Variants in TGFBR3 observed in about 807,000 individuals in gnomAD.
TGFBR3 encodes transforming growth factor beta receptor 3.
In TGFBR3, 46 loss-of-function variants were observed where a neutral mutation model predicts 87.9. That is an observed-to-expected ratio of 0.52 (90% confidence interval 0.41 to 0.67). The LOEUF (loss-of-function observed/expected upper bound fraction) is 0.67. Among genes scored for constraint, TGFBR3 ranks in the 30% least tolerant of loss-of-function variants. The pLI is 0.00. For synonymous variants in TGFBR3, 381 were observed against 391.6 expected, an observed-to-expected ratio of 0.97 and a Z score of 0.32; for missense variants, 866 against 1,041.9, an observed-to-expected ratio of 0.83 and a Z score of 2.32.
intron 4 of TGFBR3, among the ~76,000 whole-genome samples, chr1:91,747,692 T>C (rs1257098556): frequency 6.6e-6 from 1 of 152,216 alleles, no homozygotes; most frequent in Non-Finnish European, 1.5e-5. Context: ...TGAGGTATTT[T>C]GTAGACGCAA....
intron 2 of TGFBR3, among the ~76,000 whole-genome samples, chr1:91,813,805 T>C (rs1302223076): frequency 6.6e-6 from 1 of 152,076 alleles, no homozygotes; most frequent in Non-Finnish European, 1.5e-5. Flanking sequence ...TGGAAGACAG[T>C]TTTTCCACAG....
chr1:91,904,829 G>T (rs779421800), intron 1 of TGFBR3, among the ~76,000 whole-genome samples: 1 of 152,074 alleles, frequency 6.6e-6, no homozygotes, highest in Non-Finnish European at 1.5e-5. Context: ...GCCTCCCAAA[G>T]TGCTGGGACT....
In TGFBR3 at chr1:91,810,232, T is replaced by C. The variant is rs567092221; in HGVS notation, c.62-12761A>G. Among the ~76,000 whole-genome samples the C allele has an allele frequency of 5.3e-5, 8 of 152,232 alleles. No homozygotes were observed. In the East Asian group the frequency reaches 7.7e-4, roughly 15 times the overall value. ...TGCCACCACACCAGCTCATGTCTTA[T>C]ATTTTTTGTAGAGACGGGGTTTTGT... On this transcript the variant is annotated intron_variant, in intron 2 of 16. Coordinates refer to ENST00000212355, the MANE Select transcript of TGFBR3 (RefSeq NM_003243.5).
At chr1:91,849,379 A>C (rs1207763106) in intron 2 of TGFBR3, among the ~76,000 whole-genome samples, 1 of 151,776 alleles carries the variant, frequency 6.6e-6, no homozygotes, top group Admixed American at 6.6e-5. Flanking sequence ...CACCTGGCCC[A>C]CCTGCTATTG....
At chr1:91,735,649 T>C (rs1672943406) in intron 4 of TGFBR3, among the ~76,000 whole-genome samples, 1 of 152,232 alleles carries the variant, frequency 6.6e-6, no homozygotes, top group South Asian at 2.1e-4. Context: ...CAGGATGACG[T>C]ATGCAAGTAC....
intron 3 of TGFBR3, among the ~76,000 whole-genome samples, chr1:91,780,884 T>TACACACACACACACACACACACAC (rs56862200): frequency 7.5e-6 from 1 of 132,580 alleles, no homozygotes; most frequent in African/African-American, 2.9e-5. Context: ...ACTAGAGAAC[T>TACACACACACACACACACACACAC]ACACACACAC....
chr1:91,795,256 A>C (rs941457237), intron 3 of TGFBR3, among the ~76,000 whole-genome samples: 1 of 152,242 alleles, frequency 6.6e-6, no homozygotes, highest in African/African-American at 2.4e-5. Flanking sequence ...AAACATCTTC[A>C]AATCACTGGC....
At chr1:91,706,349 G>A (rs912959395) in intron 14 of TGFBR3, among the ~76,000 whole-genome samples, 7 of 152,118 alleles carry the variant, frequency 4.6e-5, no homozygotes, top group African/African-American at 1.4e-4. Context: ...AGCCGAAACT[G>A]GCCAAAAACC....
At chr1:91,690,269 G>A (rs1208988482) in intron 16 of TGFBR3, among the ~76,000 whole-genome samples, 1 of 152,086 alleles carries the variant, frequency 6.6e-6, no homozygotes, top group Non-Finnish European at 1.5e-5. Flanking sequence ...TCGCTCCACT[G>A]GGCTGAGATC....
At chr1:91,854,562 A>G (rs1285091761) in intron 2 of TGFBR3, among the ~76,000 whole-genome samples, 1 of 152,128 alleles carries the variant, frequency 6.6e-6, no homozygotes, top group Non-Finnish European at 1.5e-5. Flanking sequence ...AAAAAATAAT[A>G]TATTTTACAC....
At chr1:91,848,513 T>C (rs1466832480) in intron 2 of TGFBR3, among the ~76,000 whole-genome samples, 2 of 152,218 alleles carry the variant, frequency 1.3e-5, no homozygotes, top group African/African-American at 4.8e-5. Context: ...AAAACCACTA[T>C]GAATATCCTT....
intron 3 of TGFBR3, 51 bp downstream of exon 3, chr1:91,797,236 C>T (rs1351676166): frequency 6.3e-7 from 1 of 1,594,200 alleles, no homozygotes; most frequent in Non-Finnish European, 8.6e-7. Flanking sequence ...TCCAGAAAAT[C>T]ATCTCTGCAG....
At chr1:91,730,557 T>C (rs1335257710) in intron 5 of TGFBR3, among the ~76,000 whole-genome samples, 1 of 152,176 alleles carries the variant, frequency 6.6e-6, no homozygotes, top group African/African-American at 2.4e-5. Flanking sequence ...ACCAAGCATC[T>C]CCTATCTAAA....
chr1:91,730,036 A>G, intron 5 of TGFBR3, 63 bp from the exon 6 acceptor site: 2 of 1,592,850 alleles, frequency 1.3e-6, no homozygotes, highest in Non-Finnish European at 1.7e-6. Context: ...ATTCAAAGGA[A>G]GGAGGGTGAC....
intron 1 of TGFBR3, among the ~76,000 whole-genome samples, chr1:91,881,435 G>A (rs1312400757): frequency 6.6e-6 from 1 of 152,172 alleles, no homozygotes; most frequent in Non-Finnish European, 1.5e-5. Flanking sequence ...CTGTAAGAAA[G>A]CCCTAAGCAA....
upstream of TGFBR3, among the ~76,000 whole-genome samples, chr1:91,889,659 C>A (rs1441062905): frequency 6.6e-6 from 1 of 151,880 alleles, no homozygotes; most frequent in East Asian, 1.9e-4. Flanking sequence ...AAAAAGGGTT[C>A]CCCTACCTCT....
chr1:91,897,064 G>A (rs1679568986), intron 2 of TGFBR3, among the ~76,000 whole-genome samples: 1 of 151,882 alleles, frequency 6.6e-6, no homozygotes, highest in African/African-American at 2.4e-5. Context: ...CTGGAATTTT[G>A]AGTGCTGCTG....
At chr1:91,760,380 C>A (rs1192860471) in intron 3 of TGFBR3, among the ~76,000 whole-genome samples, 5 of 152,196 alleles carry the variant, frequency 3.3e-5, no homozygotes, top group Non-Finnish European at 7.3e-5. Context: ...CGTGCCACTG[C>A]ACTCCAGCCT....
At chr1:91,862,939 G>A (rs1571583782) in intron 1 of TGFBR3, among the ~76,000 whole-genome samples, 1 of 152,134 alleles carries the variant, frequency 6.6e-6, no homozygotes, top group African/African-American at 2.4e-5. Context: ...CAATGTGGGC[G>A]CTTGTAGATA....
Sources: allele counts gnomAD v4.1 joint callset (sites outside exome capture counted in the v4.1 genomes callset), GRCh38; gene constraint gnomAD v4.1.1; transcripts MANE v1.5; gene names NCBI Gene and HGNC (gene_info 2026-07-23, HGNC 2026-07-21).